The following DGKH variants were observed in gnomAD, a reference collection of about 807,000 sequenced individuals.
The protein encoded by DGKH is diacylglycerol kinase eta.
Under a neutral mutation model 159.3 loss-of-function variants are expected in DGKH, and 90 were observed. The ratio of observed to expected loss-of-function variants is 0.57; its 90% CI spans 0.48 to 0.67. DGKH has a LOEUF of 0.67. Among genes scored for constraint, DGKH ranks in the 30% least tolerant of loss-of-function variants. The probability of loss-of-function intolerance (pLI) is 0.00; values close to 1 mark genes in which losing one functional copy is unlikely to be tolerated. For synonymous variants in DGKH, 536 were observed against 553.8 expected (o/e 0.97, Z 0.45); for missense variants, 1,181 against 1,506.1 (o/e 0.78, Z 3.57).
At chr13:42,070,528 A>G (rs1882892538) in intron 1 of DGKH, 2 of 1,405,182 alleles carry the variant, frequency 1.4e-6, no homozygotes, top group Admixed American at 3.4e-5. Context: ...CCAATCCTTC[A>G]AAAGATGACT....
intron 1 of DGKH, among the ~76,000 whole-genome samples, chr13:42,079,699 A>C (rs1008910538): frequency 1.3e-5 from 2 of 152,152 alleles, no homozygotes; most frequent in African/African-American, 4.8e-5. Context: ...ACTTTGTATG[A>C]TCATGTCGAC....
chr13:42,055,133 A>G (rs1881660119), intron 1 of DGKH, among the ~76,000 whole-genome samples: 1 of 152,312 alleles, frequency 6.6e-6, no homozygotes, highest in East Asian at 1.9e-4. Flanking sequence ...GCCCATGGAT[A>G]TAGTCTGTGG....
intron 7 of DGKH, among the ~76,000 whole-genome samples, chr13:42,161,775 G>A (rs1250085672): frequency 8.4e-5 from 12 of 143,034 alleles, no homozygotes; most frequent in Non-Finnish European, 1.7e-4. Context: ...GCAAGACTCT[G>A]CCTCTCAAAA....
chr13:42,128,361 A>G (rs1053043052), intron 2 of DGKH, among the ~76,000 whole-genome samples: 15 of 152,216 alleles, frequency 9.9e-5, no homozygotes, highest in Non-Finnish European at 1.8e-4. Context: ...ACCAGGAGGT[A>G]AAAACAAGCA....
intron 1 of DGKH, among the ~76,000 whole-genome samples, chr13:42,078,693 C>A (rs1954143187): frequency 6.6e-6 from 1 of 152,024 alleles, no homozygotes; most frequent in Non-Finnish European, 1.5e-5. Flanking sequence ...TCTAAAAAAA[C>A]CTTGAAATTC....
intron 3 of DGKH, among the ~76,000 whole-genome samples, chr13:42,143,887 G>A (rs1466079938): frequency 6.6e-6 from 1 of 151,922 alleles, no homozygotes; most frequent in Non-Finnish European, 1.5e-5. Context: ...GGTTTTTTGT[G>A]TCTCTATTTC....
chr13:42,199,668 A>C lies in DGKH; in HGVS notation c.2388A>C (p.Glu796Asp). ...ATAATAAAAGAGAGGAGCACCCTGA[A>C]AAATGCAGGTAATTTTAGTAAAAGT... The part of the protein sequence containing the change: ...EFNNKREEHP[E>D]KCRSRTKNLM... Residue 796 changes from glutamate to aspartate, a missense_variant, in exon 19 of 30, where the codon GAA becomes GAC. Physicochemically the swap from Glu to Asp is conservative, Grantham distance 45. This residue lies in a region of DGKH where 335 missense variants were observed against 495.2 expected (regional missense o/e 0.68). Coordinates refer to ENST00000337343, the MANE Select transcript of DGKH (RefSeq NM_178009.5). 1 of 1,588,652 alleles carries C rather than the reference A, an allele frequency of 6.3e-7. No homozygotes were observed. The highest frequency in any genetic ancestry group is 1.2e-5 in the South Asian group (1 of 85,102).
At chr13:42,091,914 CAA>C (rs1954426618) in intron 1 of DGKH, among the ~76,000 whole-genome samples, 1 of 152,040 alleles carries the variant, frequency 6.6e-6, no homozygotes, top group Non-Finnish European at 1.5e-5. Context: ...ATCAAAAAGG[CAA>C]AAAATAATAA....
intron 1 of DGKH, among the ~76,000 whole-genome samples, chr13:42,109,089 G>A (rs1179793524): frequency 6.6e-6 from 1 of 152,224 alleles, no homozygotes; most frequent in Non-Finnish European, 1.5e-5. Context: ...GTACCACTGA[G>A]GTGATAGGCA....
intron 1 of DGKH, chr13:42,066,606 T>G (rs903807444): frequency 6.6e-6 from 1 of 152,230 alleles, no homozygotes; most frequent in African/African-American, 2.4e-5. Context: ...TGTATGTAAT[T>G]TTTCACATGT....
At chr13:42,168,409 T>A in intron 9 of DGKH, 31 bp from the exon 10 acceptor site, 1 of 1,572,108 alleles carries the variant, frequency 6.4e-7, no homozygotes, top group South Asian at 1.1e-5. Context: ...TTTATTTCTT[T>A]ATACTAAAAT....
At chr13:42,084,818 C>T (rs1262716611) in intron 1 of DGKH, among the ~76,000 whole-genome samples, 1 of 150,996 alleles carries the variant, frequency 6.6e-6, no homozygotes, top group East Asian at 1.9e-4. Flanking sequence ...CACCTAGGTT[C>T]TAACCATAAC....
intron 3 of DGKH, among the ~76,000 whole-genome samples, chr13:42,146,953 A>G (rs1955750830): frequency 6.6e-6 from 1 of 152,170 alleles, no homozygotes; most frequent in Admixed American, 6.5e-5. Context: ...AATGCATTTG[A>G]TAGGAGTGAT....
downstream of DGKH, among the ~76,000 whole-genome samples, chr13:42,244,186 G>T (rs986838662): frequency 1.3e-5 from 2 of 152,174 alleles, no homozygotes; most frequent in African/African-American, 4.8e-5. Flanking sequence ...AGAGAGGTAC[G>T]GGAGGGAAAT....
At chr13:42,078,909 C>CTTTTTTTT (rs55801562) in intron 1 of DGKH, among the ~76,000 whole-genome samples, 51 of 93,564 alleles carry the variant, frequency 5.5e-4, no homozygotes, top group African/African-American at 7.8e-4. Context: ...GTATATTCTC[C>CTTTTTTTT]TTTTTTTTTT....
At chr13:42,054,671 T>A (rs1881620796) in intron 1 of DGKH, among the ~76,000 whole-genome samples, 2 of 152,212 alleles carry the variant, frequency 1.3e-5, no homozygotes, top group Non-Finnish European at 2.9e-5. Flanking sequence ...AATTCTTTTG[T>A]ACAGTAAGGT....
intron 1 of DGKH, among the ~76,000 whole-genome samples, chr13:42,056,778 G>C (rs558844159): frequency 6.6e-6 from 1 of 152,170 alleles, no homozygotes; most frequent in South Asian, 2.1e-4. Context: ...AGGCAGACAG[G>C]CTCCTTACTT....
chr13:42,157,871 C>A (rs560839572), intron 5 of DGKH, among the ~76,000 whole-genome samples: 3 of 152,250 alleles, frequency 2.0e-5, no homozygotes, highest in Non-Finnish European at 4.4e-5. Flanking sequence ...ATTCTTATGT[C>A]TCATAAGAAT....
At chr13:42,116,411 A>G (rs1228220544) in intron 1 of DGKH, among the ~76,000 whole-genome samples, 1 of 152,210 alleles carries the variant, frequency 6.6e-6, no homozygotes, top group Non-Finnish European at 1.5e-5. Flanking sequence ...TCCATTCCTT[A>G]GATGAGAAGT....
Sources: allele counts gnomAD v4.1 joint callset (sites outside exome capture counted in the v4.1 genomes callset), GRCh38; gene constraint gnomAD v4.1.1; regional missense constraint gnomAD v4.1.1; transcripts MANE v1.5; gene names NCBI Gene and HGNC (gene_info 2026-07-23, HGNC 2026-07-21).